RABGAP1L: variants seen among roughly 807,000 people sequenced by gnomAD.
RABGAP1L encodes the protein RAB GTPase activating protein 1 like, also known as rab GTPase-activating protein 1-like.
In RABGAP1L, 63 loss-of-function variants were observed where a neutral mutation model predicts 137.7. The observed-to-expected ratio is 0.46, with a 90% CI of 0.37 to 0.56. The LOEUF (loss-of-function observed/expected upper bound fraction) is 0.56. RABGAP1L is among the 20% of genes least tolerant of loss of function. The pLI is 0.00. For synonymous variants in RABGAP1L, 431 were observed against 433.7 expected (o/e 0.99, Z 0.08); for missense variants, 1,095 against 1,244.0 (o/e 0.88, Z 1.80).
intron 19 of RABGAP1L, among the ~76,000 whole-genome samples, chr1:174,926,143 T>C (rs879371997): frequency 6.6e-6 from 1 of 152,202 alleles, no homozygotes; most frequent in Non-Finnish European, 1.5e-5. Context: ...TCTTTAATAC[T>C]GATTTGTTGA....
chr1:174,598,113 G>A (rs1481713401), intron 13 of RABGAP1L, among the ~76,000 whole-genome samples: 1 of 152,010 alleles, frequency 6.6e-6, no homozygotes, highest in Non-Finnish European at 1.5e-5. Flanking sequence ...GGCAGATCAC[G>A]AGGTCAGGAG....
At chr1:174,852,872 T>A (rs1648613894) in intron 19 of RABGAP1L, among the ~76,000 whole-genome samples, 1 of 151,872 alleles carries the variant, frequency 6.6e-6, no homozygotes, top group South Asian at 2.1e-4. Context: ...TTTAAACAAC[T>A]GATTTTAATG....
At position 174,434,657 on chromosome 1, in the gene RABGAP1L, T is replaced by C. The variant is rs185163253; in HGVS notation, c.1710+40512T>C. Reference sequence around the variant, plus strand: ...ACTGTCAGTCTTTTAGTTTTAGCCATTCTAGTGGGTATATATTGGTATCTC... The same window carrying C: ...ACTGTCAGTCTTTTAGTTTTAGCCACTCTAGTGGGTATATATTGGTATCTC... On this transcript the variant is annotated intron_variant, in intron 13 of 25. Transcript: ENST00000681986. 5.3e-3 allele frequency among the ~76,000 whole-genome samples: 801 copies of C among 152,318 alleles called. 12 individuals carry two copies. Among genetic ancestry groups the C allele is most frequent in the Non-Finnish European group, 4.4e-3 (302 of 68,014 alleles).
intron 19 of RABGAP1L, among the ~76,000 whole-genome samples, chr1:174,915,671 C>A (rs2149210404): frequency 6.6e-6 from 1 of 152,240 alleles, no homozygotes; most frequent in South Asian, 2.1e-4. Context: ...TGGCCAGGAT[C>A]ATCTCAATCT....
chr1:174,653,573 C>G (rs1675726728), intron 14 of RABGAP1L, among the ~76,000 whole-genome samples: 1 of 152,164 alleles, frequency 6.6e-6, no homozygotes, highest in African/African-American at 2.4e-5. Flanking sequence ...GACACCCCAC[C>G]CTGCTTCAGG....
At chr1:174,595,948 C>T (rs1197360827) in intron 13 of RABGAP1L, among the ~76,000 whole-genome samples, 3 of 104,130 alleles carry the variant, frequency 2.9e-5, no homozygotes, top group Admixed American at 9.2e-5. Flanking sequence ...GCGCCCCTCC[C>T]CCAGCCTCGT....
chr1:174,993,718 GA>G lies in RABGAP1L; in HGVS notation c.*3723del. 6.6e-6 allele frequency: 1 copy of G among 152,266 alleles called. No homozygotes were observed. The highest frequency in any genetic ancestry group is 2.4e-5 in the African/African-American group (1 of 41,574). The allele number at this position is 152,266 out of a possible 1,614,324, so 9.4% of individuals were successfully genotyped here. The stretch of plus-strand genomic sequence containing the variant: ...CCTGATTAGGGGGGCCCCTTTAAGG[GA>G]AAAAACTTTTAAAAAATTAAATGCC... On this transcript the variant is annotated 3_prime_UTR_variant, in exon 26 of 26. Transcript: ENST00000681986.
Position 174,618,966 on chromosome 1 carries a change from C to T in RABGAP1L, c.1711-18409C>T, listed in dbSNP as rs141745365. Among the ~76,000 whole-genome samples the T allele has an allele frequency of 8.5e-3, 1,290 of 152,214 alleles. 16 individuals carry two copies. The highest frequency in any genetic ancestry group is 0.028 in the African/African-American group (1,149 of 41,526). ...TTAAAGGAGCTGATGGAGCTGAAAA[C>T]GAAGACATGAGAACTACGTGACGAA... On this transcript the variant is annotated intron_variant, in intron 13 of 25. Coordinates refer to ENST00000681986, the MANE Select transcript of RABGAP1L (RefSeq NM_001366446.1).
At position 174,923,878 on chromosome 1, in the gene RABGAP1L, C is replaced by CAA. The variant is rs1176474943; in HGVS notation, c.2341-33563_2341-33562dup. The stretch of plus-strand genomic sequence containing the variant: ...CCTGGGCGACTGAGCGAGACTGTCT[C>CAA]AAAAAAAAAAAAAAAAAGAAAAAAG... On this transcript the variant is annotated intron_variant, in intron 19 of 25. Coordinates refer to ENST00000681986, the MANE Select transcript of RABGAP1L (RefSeq NM_001366446.1). Among the ~76,000 whole-genome samples the CAA allele has an allele frequency of 1.4e-3, 118 of 87,182 alleles. 1 individual carries two copies. The highest frequency in any genetic ancestry group is 2.1e-3 in the East Asian group (7 of 3,276). The allele number at this position is 87,182 out of a possible 152,430, so 57.2% of individuals were successfully genotyped here. A position where few individuals can be genotyped will look rare whatever the true frequency, so the allele number is the denominator to read the frequency against.
chr1:174,372,125 C>T (rs1051342662), intron 12 of RABGAP1L, among the ~76,000 whole-genome samples: 1 of 152,000 alleles, frequency 6.6e-6, no homozygotes, highest in African/African-American at 2.4e-5. Context: ...AAAATGAACA[C>T]ATTTCAGAGA....
intron 13 of RABGAP1L, among the ~76,000 whole-genome samples, chr1:174,532,241 C>T (rs1329768895): frequency 6.6e-6 from 1 of 151,218 alleles, no homozygotes; most frequent in Non-Finnish European, 1.5e-5. Flanking sequence ...CACAGTCTTG[C>T]TCTGTCACCC....
chr1:174,863,244 A>AAAAAAAAAG (rs924642534), intron 19 of RABGAP1L, among the ~76,000 whole-genome samples: 6 of 151,306 alleles, frequency 4.0e-5, no homozygotes, highest in East Asian at 1.9e-4. Flanking sequence ...AAAAAAAAAA[A>AAAAAAAAAG]AAAAGAAAAA....
intron 14 of RABGAP1L, among the ~76,000 whole-genome samples, chr1:174,663,164 C>T (rs2148425352): frequency 1.3e-5 from 2 of 152,312 alleles, no homozygotes; most frequent in South Asian, 4.1e-4. Flanking sequence ...ACCTCTCACT[C>T]ACTGACTCAC....
intron 19 of RABGAP1L, among the ~76,000 whole-genome samples, chr1:174,853,309 G>A (rs923470047): frequency 1.3e-5 from 2 of 149,198 alleles, no homozygotes; most frequent in African/African-American, 5.0e-5. Context: ...TTTATTTTCT[G>A]TATAAACCAT....
intron 19 of RABGAP1L, among the ~76,000 whole-genome samples, chr1:174,947,713 C>T (rs996230418): frequency 6.6e-6 from 1 of 152,158 alleles, no homozygotes; most frequent in Non-Finnish European, 1.5e-5. Context: ...AGCCACCGCA[C>T]CCAGCCAGCC....
intron 12 of RABGAP1L, among the ~76,000 whole-genome samples, chr1:174,391,643 A>C (rs771827148): frequency 6.6e-6 from 1 of 152,174 alleles, no homozygotes; most frequent in Non-Finnish European, 1.5e-5. Context: ...TGCCCAGCCA[A>C]GAAAGGATTC....
intron 13 of RABGAP1L, among the ~76,000 whole-genome samples, chr1:174,612,529 T>C (rs1671360808): frequency 1.3e-5 from 2 of 152,184 alleles, no homozygotes; most frequent in South Asian, 2.1e-4. Flanking sequence ...TTTTTGGTTG[T>C]GTCTCTGCCC....
intron 3 of RABGAP1L, among the ~76,000 whole-genome samples, chr1:174,229,887 T>G (rs2148501455): frequency 6.6e-6 from 1 of 152,184 alleles, no homozygotes; most frequent in East Asian, 1.9e-4. Flanking sequence ...CCGCCAACAG[T>G]GTAAAAGTGT....
chr1:174,381,140 T>C, intron 12 of RABGAP1L, among the ~76,000 whole-genome samples: 1 of 130,182 alleles, frequency 7.7e-6, no homozygotes, highest in South Asian at 2.9e-4. Context: ...TTGATTGCAC[T>C]GTGGTCTGAG....
Sources: allele counts gnomAD v4.1 joint callset (sites outside exome capture counted in the v4.1 genomes callset), GRCh38; gene constraint gnomAD v4.1.1; transcripts MANE v1.5; gene names NCBI Gene and HGNC (gene_info 2026-07-23, HGNC 2026-07-21).